Variants in AFF3 observed in about 807,000 individuals in gnomAD.
The protein encoded by AFF3 is ALF transcription elongation factor 3.
AFF3 carries 32 observed loss-of-function variants against 129.7 expected under a neutral mutation model. The observed-to-expected ratio is 0.25, with a 90% confidence interval of 0.19 to 0.33. The LOEUF (loss-of-function observed/expected upper bound fraction) is 0.33. Ranked by LOEUF, AFF3 falls within the 10% of genes least tolerant of loss-of-function variation. The probability of loss-of-function intolerance (pLI) is 1.00; values close to 1 mark genes in which losing one functional copy is unlikely to be tolerated. For synonymous variants in AFF3, 644 were observed against 635.4 expected (o/e 1.01, Z -0.20); for missense variants, 1,373 against 1,592.0 (o/e 0.86, Z 2.34).
In AFF3 at chr2:99,558,974, G is replaced by A; in HGVS notation, c.3192-6C>T. The A allele has an allele frequency of 6.2e-7, 1 of 1,614,100 alleles. No homozygotes were observed. Among genetic ancestry groups the A allele is most frequent in the Non-Finnish European group, 8.5e-7 (1 of 1,179,962 alleles). ...GGAGGGCCAGGCATCGGTAACTGCA[G>A]GCGAAAAGAGAAACAGGCCCAGAAG... is the stretch of plus-strand genomic sequence containing the variant. On this transcript the variant is annotated splice_region_variant and splice_polypyrimidine_tract_variant and intron_variant, in intron 21 of 24. Coordinates refer to ENST00000672756, the MANE Select transcript of AFF3 (RefSeq NM_001386135.1).
chr2:99,653,345 A>T (rs1444058823), intron 12 of AFF3, among the ~76,000 whole-genome samples: 1 of 152,166 alleles, frequency 6.6e-6, no homozygotes, highest in Non-Finnish European at 1.5e-5. Context: ...AGTTCAATAG[A>T]AACCTTCAAC....
chr2:99,979,700 C>T (rs1679218502), intron 7 of AFF3, among the ~76,000 whole-genome samples: 1 of 152,128 alleles, frequency 6.6e-6, no homozygotes, highest in Non-Finnish European at 1.5e-5. Context: ...GCCAGGCTGT[C>T]TCAAACTCCT....
intron 4 of AFF3, among the ~76,000 whole-genome samples, chr2:100,026,169 C>G (rs1052095366): frequency 6.6e-6 from 1 of 152,082 alleles, no homozygotes; most frequent in Non-Finnish European, 1.5e-5. Flanking sequence ...GGATTAATAT[C>G]TAGAATCTAC....
intron 14 of AFF3, among the ~76,000 whole-genome samples, chr2:99,594,799 A>G (rs1316467425): frequency 2.0e-5 from 3 of 152,180 alleles, no homozygotes; most frequent in Non-Finnish European, 4.4e-5. Context: ...GGTAGGCTGT[A>G]GTAATTTGGT....
chr2:99,734,005 A>T (rs572809928), intron 10 of AFF3, among the ~76,000 whole-genome samples: 5 of 152,318 alleles, frequency 3.3e-5, no homozygotes, highest in African/African-American at 1.2e-4. Context: ...AAATCTATAG[A>T]TATCTGAAGA....
chr2:100,121,051 T>A (rs1691944978), intron 2 of AFF3, among the ~76,000 whole-genome samples: 1 of 152,226 alleles, frequency 6.6e-6, no homozygotes, highest in African/African-American at 2.4e-5. Context: ...AAATATTTAT[T>A]ACAAATGATA....
chr2:99,742,056 T>C (rs941853402), intron 10 of AFF3, among the ~76,000 whole-genome samples: 10 of 152,160 alleles, frequency 6.6e-5, no homozygotes, highest in Non-Finnish European at 1.2e-4. Flanking sequence ...GAGAAAGATT[T>C]ATTTAAAAAT....
At chr2:99,997,482 C>G (rs575138593) in intron 7 of AFF3, among the ~76,000 whole-genome samples, 19 of 151,968 alleles carry the variant, frequency 1.3e-4, no homozygotes, top group East Asian at 1.9e-4. Context: ...ATCACCCCCC[C>G]CCCAGATTAG....
chr2:99,786,383 T>C (rs986422599), intron 8 of AFF3, among the ~76,000 whole-genome samples: 2 of 152,172 alleles, frequency 1.3e-5, no homozygotes, highest in African/African-American at 4.8e-5. Flanking sequence ...TTAATGTCAG[T>C]TGTGGCTATT....
At position 99,679,331 on chromosome 2, in the gene AFF3, C is replaced by T. The variant is rs191873256; in HGVS notation, c.1092-6742G>A. ...AACCTGGGGTGAAGGTGCACTGTCTCGCTTAAGTTTATGACCTTATTTTTA... is the reference window on the plus strand; with the variant it reads ...AACCTGGGGTGAAGGTGCACTGTCTTGCTTAAGTTTATGACCTTATTTTTA... On this transcript the variant is annotated intron_variant, in intron 11 of 24. Transcript: ENST00000672756. Among the ~76,000 whole-genome samples the T allele has an allele frequency of 3.3e-5, 5 of 152,254 alleles. No individual in the cohort carries two copies. In the East Asian group the frequency reaches 9.7e-4, roughly 29 times the overall value.
chr2:99,611,316 G>A (rs1378034233), intron 13 of AFF3, among the ~76,000 whole-genome samples: 1 of 152,116 alleles, frequency 6.6e-6, no homozygotes, highest in Non-Finnish European at 1.5e-5. Flanking sequence ...TCTGTGGATT[G>A]TCTTTTCTCA....
At chr2:99,710,031 C>T (rs760161377) in intron 11 of AFF3, among the ~76,000 whole-genome samples, 6 of 152,206 alleles carry the variant, frequency 3.9e-5, no homozygotes, top group Non-Finnish European at 7.3e-5. Flanking sequence ...CTTGGCCATG[C>T]TGCCTACCTG....
At chr2:99,820,752 T>C (rs1179851616) in intron 8 of AFF3, among the ~76,000 whole-genome samples, 1 of 142,058 alleles carries the variant, frequency 7.0e-6, no homozygotes, top group Non-Finnish European at 1.5e-5. Flanking sequence ...TTTTTAAGGT[T>C]TTTAAATTTT....
intron 7 of AFF3, among the ~76,000 whole-genome samples, chr2:99,930,389 A>G (rs1696588378): frequency 6.6e-6 from 1 of 152,166 alleles, no homozygotes; most frequent in South Asian, 2.1e-4. Context: ...GGTCTCCTCA[A>G]TCACAGAGTT....
intron 9 of AFF3, among the ~76,000 whole-genome samples, chr2:99,746,659 G>C (rs1036573523): frequency 3.9e-5 from 6 of 152,212 alleles, no homozygotes; most frequent in African/African-American, 1.4e-4. Context: ...AATATCATCT[G>C]TAAGAATGAT....
At chr2:100,132,982 T>C (rs930745482) in intron 1 of AFF3, among the ~76,000 whole-genome samples, 3 of 151,434 alleles carry the variant, frequency 2.0e-5, no homozygotes, top group African/African-American at 7.3e-5. Context: ...CAGGCTGGAG[T>C]GCAGAGGTGT....
intron 7 of AFF3, among the ~76,000 whole-genome samples, chr2:99,900,396 C>A (rs1347721593): frequency 6.6e-6 from 1 of 152,140 alleles, no homozygotes; most frequent in Non-Finnish European, 1.5e-5. Flanking sequence ...CATTTCCAAT[C>A]CAAATATGTA....
intron 21 of AFF3, among the ~76,000 whole-genome samples, chr2:99,559,444 G>C (rs1559476331): frequency 1.3e-5 from 2 of 152,144 alleles, no homozygotes; most frequent in South Asian, 4.1e-4. Context: ...CACTATGCTG[G>C]GAATAGGTGC....
chr2:99,945,542 G>A (rs1342537839), intron 7 of AFF3, among the ~76,000 whole-genome samples: 1 of 152,160 alleles, frequency 6.6e-6, no homozygotes, highest in Non-Finnish European at 1.5e-5. Context: ...ACAGGAAGGA[G>A]TTAGTAACAG....
Sources: gnomAD v4.1 joint callset for allele counts (sites outside exome capture counted in the v4.1 genomes callset) on GRCh38, gnomAD v4.1.1 for gene constraint, MANE v1.5 for transcripts, NCBI Gene and HGNC (gene_info 2026-07-23, HGNC 2026-07-21) for gene names.